KIFAP3: variants seen among roughly 807,000 people sequenced by gnomAD.
KIFAP3 encodes kinesin associated protein 3.
Under a neutral mutation model 106.5 loss-of-function variants are expected in KIFAP3, and 68 were observed. The observed-to-expected ratio is 0.64, with a 90% confidence interval of 0.53 to 0.78. The LOEUF (loss-of-function observed/expected upper bound fraction) is 0.78. Ranked by LOEUF, KIFAP3 falls within the 30% of genes least tolerant of loss-of-function variation. KIFAP3 has a pLI of 0.00. For missense variants in KIFAP3, 780 were observed against 941.8 expected (o/e 0.83, Z 2.25); for synonymous variants, 320 against 311.5 (o/e 1.03, Z -0.29).
intron 1 of KIFAP3, among the ~76,000 whole-genome samples, chr1:170,058,589 G>A (rs1670971370): frequency 6.6e-6 from 1 of 152,092 alleles, no homozygotes; most frequent in Non-Finnish European, 1.5e-5. Context: ...TACACTACTA[G>A]ACAAGACACT....
At chr1:170,015,711 T>C (rs971814206) in intron 10 of KIFAP3, among the ~76,000 whole-genome samples, 13 of 152,244 alleles carry the variant, frequency 8.5e-5, no homozygotes, top group African/African-American at 3.1e-4. Flanking sequence ...AGTATGGTCA[T>C]GGTGTAAAGT....
intron 9 of KIFAP3, among the ~76,000 whole-genome samples, chr1:170,023,069 T>C (rs1668933879): frequency 1.3e-5 from 2 of 152,114 alleles, no homozygotes; most frequent in African/African-American, 4.8e-5. Context: ...CAGGACTGTT[T>C]ATATACTACC....
chr1:169,992,131 T>C, intron 11 of KIFAP3, 24 bp downstream of exon 11: 1 of 1,169,662 alleles, frequency 8.5e-7, no homozygotes, highest in Non-Finnish European at 1.2e-6. Context: ...TAAATGTTTT[T>C]CATAAAACAC....
In KIFAP3 at chr1:169,949,321, T is replaced by C. The variant is rs994935453; in HGVS notation, c.2273+4690A>G. On this transcript the variant is annotated intron_variant, in intron 19 of 19. Transcript: ENST00000361580. ...GCTCAGATAATGCATACATCTAGTT[T>C]GTCTTTGACCCCACTGAAATGGTCA... Among the ~76,000 whole-genome samples the C allele has an allele frequency of 2.6e-5, 4 of 152,094 alleles. No individual in the cohort carries two copies. In the South Asian group the frequency reaches 6.2e-4, roughly 24 times the overall value.
chr1:169,979,921 T>C (rs138948793), intron 15 of KIFAP3, among the ~76,000 whole-genome samples: 265 of 152,276 alleles, frequency 1.7e-3, no homozygotes, highest in Middle Eastern at 6.8e-3. Context: ...TATGTTTATA[T>C]AATAAAATAT....
chr1:170,009,512 A>G (rs1279066026), intron 10 of KIFAP3, among the ~76,000 whole-genome samples: 2 of 152,276 alleles, frequency 1.3e-5, no homozygotes, highest in Middle Eastern at 3.4e-3. Context: ...TCCAAAGAAC[A>G]CATTTCAATT....
chr1:170,044,872 A>T (rs1170297029), intron 3 of KIFAP3, among the ~76,000 whole-genome samples: 3 of 152,218 alleles, frequency 2.0e-5, no homozygotes, highest in Non-Finnish European at 4.4e-5. Flanking sequence ...TGCTACTCTG[A>T]CTGAAGAGGA....
At chr1:169,988,119 A>T (rs1205339510) in intron 11 of KIFAP3, among the ~76,000 whole-genome samples, 1 of 152,070 alleles carries the variant, frequency 6.6e-6, no homozygotes, top group African/African-American at 2.4e-5. Flanking sequence ...GCAATATAAT[A>T]TTGGGAGAGA....
At chr1:170,003,563 A>C (rs778222439) in intron 10 of KIFAP3, among the ~76,000 whole-genome samples, 39 of 151,090 alleles carry the variant, frequency 2.6e-4, no homozygotes, top group Non-Finnish European at 5.4e-4. Context: ...CAAAGCTGTC[A>C]GACAGGGACA....
intron 19 of KIFAP3, among the ~76,000 whole-genome samples, chr1:169,922,731 A>G (rs938514275): frequency 6.6e-6 from 1 of 152,222 alleles, no homozygotes; most frequent in Non-Finnish European, 1.5e-5. Flanking sequence ...CTTCCAATCA[A>G]TGGACACCAT....
chr1:170,015,656 G>A (rs930955756), intron 10 of KIFAP3, among the ~76,000 whole-genome samples: 2 of 152,120 alleles, frequency 1.3e-5, no homozygotes, highest in Non-Finnish European at 2.9e-5. Context: ...AGGTAGACAG[G>A]CACTTAGGCA....
Position 169,921,904 on chromosome 1 carries a change from G to C in KIFAP3, c.2274-123C>G, listed in dbSNP as rs912228824. ...CCTAGCAGGGATAGTGATTTAGGTG[G>C]ATATCATTAACTTTTTTTTTTAAGG... On this transcript the variant is annotated intron_variant, in intron 19 of 19. Coordinates refer to ENST00000361580, the MANE Select transcript of KIFAP3 (RefSeq NM_014970.4). 2.9e-5 allele frequency: 18 copies of C among 628,686 alleles called. No individual in the cohort carries two copies. The Middle Eastern group carries it at 7.8e-4, about 27-fold the overall frequency. The allele number at this position is 628,686 out of a possible 1,614,324, so 38.9% of individuals were successfully genotyped here. A position where few individuals can be genotyped will look rare whatever the true frequency, so the allele number is the denominator to read the frequency against.
chr1:170,034,255 T>C lies in KIFAP3; in HGVS notation c.742+117A>G, dbSNP rs553453258. ...CCTTCAATAACACACTCCTGCATTGTTTCCAAGTAATGTAATTAACAATTT... is the reference window on the plus strand; with the variant it reads ...CCTTCAATAACACACTCCTGCATTGCTTCCAAGTAATGTAATTAACAATTT... On this transcript the variant is annotated intron_variant, in intron 7 of 19. Coordinates refer to ENST00000361580, the MANE Select transcript of KIFAP3 (RefSeq NM_014970.4). The C allele has an allele frequency of 4.4e-6, 4 of 910,134 alleles. No homozygotes were observed. The South Asian group carries it at 4.8e-5, about 11-fold the overall frequency. The allele number at this position is 910,134 out of a possible 1,614,324, so 56.4% of individuals were successfully genotyped here.
At chr1:169,934,633 C>T (rs920509075) in intron 19 of KIFAP3, among the ~76,000 whole-genome samples, 2 of 152,092 alleles carry the variant, frequency 1.3e-5, no homozygotes, top group South Asian at 4.1e-4. Context: ...TGTGTGTTGT[C>T]TTTGGGTTTG....
rs189323990 is a variant in KIFAP3 at position 169,974,765 on chromosome 1, C to A, written c.1898-2167G>T. Among the ~76,000 whole-genome samples, 6 of 151,818 alleles carry A rather than the reference C, an allele frequency of 4.0e-5. No individual in the cohort carries two copies. In the East Asian group the frequency reaches 1.2e-3, roughly 29 times the overall value. Reference sequence around the variant, plus strand: ...TATTTAATGAATAAATAAATAATATCTATTCTATATACTTCACATGGTTTT... The same window carrying A: ...TATTTAATGAATAAATAAATAATATATATTCTATATACTTCACATGGTTTT... On this transcript the variant is annotated intron_variant, in intron 16 of 19. Coordinates refer to ENST00000361580, the MANE Select transcript of KIFAP3 (RefSeq NM_014970.4).
At chr1:169,949,140 A>G (rs1664601329) in intron 19 of KIFAP3, among the ~76,000 whole-genome samples, 1 of 151,916 alleles carries the variant, frequency 6.6e-6, no homozygotes, top group Admixed American at 6.6e-5. Flanking sequence ...CTGTGATTTA[A>G]TATTTGAAAA....
chr1:170,077,009 C>T (rs192148850), upstream of KIFAP3, among the ~76,000 whole-genome samples: 1 of 152,226 alleles, frequency 6.6e-6, no homozygotes, highest in African/African-American at 2.4e-5. Context: ...TGTAAATGCA[C>T]CAATCAGCAC....
At chr1:169,975,285 C>A (rs1666165687) in intron 16 of KIFAP3, among the ~76,000 whole-genome samples, 1 of 151,932 alleles carries the variant, frequency 6.6e-6, no homozygotes, top group African/African-American at 2.4e-5. Context: ...TTTTAAATAT[C>A]TGAATATAAA....
chr1:169,941,545 T>TA (rs5778638), intron 19 of KIFAP3, among the ~76,000 whole-genome samples: 152,270 of 152,270 alleles, frequency 1, 76,135 homozygotes, highest in Non-Finnish European at 1. Flanking sequence ...ATTAGATGGC[T>TA]AAACAGTAAC....
Sources: gnomAD v4.1 joint callset for allele counts (sites outside exome capture counted in the v4.1 genomes callset) on GRCh38, gnomAD v4.1.1 for gene constraint, MANE v1.5 for transcripts, NCBI Gene and HGNC (gene_info 2026-07-23, HGNC 2026-07-21) for gene names.